The following N4BP2L2 variants were observed in gnomAD, a reference collection of about 807,000 sequenced individuals.
The protein encoded by N4BP2L2 is NEDD4-binding protein 2-like 2.
N4BP2L2 carries 50 observed loss-of-function variants against 56.2 expected under a neutral mutation model. That is an observed-to-expected ratio of 0.89 (90% CI 0.71 to 1.13). N4BP2L2 has a LOEUF of 1.13. Among genes scored for constraint, N4BP2L2 ranks in the 50% most tolerant of loss-of-function variants. N4BP2L2 has a pLI of 0.00. For missense variants in N4BP2L2, 689 were observed against 693.8 expected, an observed-to-expected ratio of 0.99 and a Z score of 0.08; for synonymous variants, 203 against 223.6, an observed-to-expected ratio of 0.91 and a Z score of 0.82.
chr13:32,536,942 G>A (rs748574056), exon 2 of N4BP2L2: 2 of 1,613,512 alleles, frequency 1.2e-6, no homozygotes, highest in Non-Finnish European at 1.7e-6. Context: ...CGACTCTGTG[G>A]TTGACTTCAA....
In N4BP2L2 at chr13:32,503,556, T is replaced by C. The variant is rs73447354; in HGVS notation, c.365+14301A>G. ...TACTTTTATATTTCCACCACTAGCA[T>C]GTAAAAGTGGTGCAATAAATGTTCA... On this transcript the variant is annotated intron_variant, in intron 6 of 9. Coordinates refer to the N4BP2L2 transcript ENST00000357505. Among the ~76,000 whole-genome samples the C allele has an allele frequency of 3.7e-3, 570 of 152,340 alleles. 2 individuals carry two copies. Among genetic ancestry groups the C allele is most frequent in the African/African-American group, 0.013 (522 of 41,580 alleles).
In N4BP2L2 at chr13:32,489,746, T is replaced by C. The variant is rs1482268086; in HGVS notation, c.365+28111A>G. Among the ~76,000 whole-genome samples, 9 of 142,486 alleles carry C rather than the reference T, an allele frequency of 6.3e-5. No homozygotes were observed. The East Asian group carries it at 1.8e-3, about 29-fold the overall frequency. 93.5% of individuals were successfully genotyped at this position (142,486 alleles called of 152,430 possible). A position where few individuals can be genotyped will look rare whatever the true frequency, so the allele number is the denominator to read the frequency against. On this transcript the variant is annotated intron_variant, in intron 6 of 9. Transcript: ENST00000357505. ...TACAAATCTAGTTTAATCACCAAGATTTGGTCAATTCCCCTCCTGAAAAAA... is the reference window on the plus strand; with the variant it reads ...TACAAATCTAGTTTAATCACCAAGACTTGGTCAATTCCCCTCCTGAAAAAA...
chr13:32,508,858 T>G (rs1418200662), downstream of N4BP2L2: 1 of 152,184 alleles, frequency 6.6e-6, no homozygotes, highest in Non-Finnish European at 1.5e-5. Flanking sequence ...TTGAACCATT[T>G]TAAGACTGGG....
intron 2 of N4BP2L2, among the ~76,000 whole-genome samples, chr13:32,532,576 CTCTTT>C (rs1446864417): frequency 6.8e-6 from 1 of 147,906 alleles, no homozygotes; most frequent in Non-Finnish European, 1.5e-5. Context: ...TTTCTGGATT[CTCTTT>C]TCTTTTTTCT....
intron 6 of N4BP2L2, among the ~76,000 whole-genome samples, chr13:32,494,529 C>T (rs1229907223): frequency 2.6e-5 from 4 of 151,988 alleles, no homozygotes; most frequent in African/African-American, 9.7e-5. Flanking sequence ...TTTGGGAGGC[C>T]GAGGCGTGCA....
chr13:32,466,324 T>TG (rs1048247609), intron 6 of N4BP2L2, among the ~76,000 whole-genome samples: 2 of 152,090 alleles, frequency 1.3e-5, no homozygotes, highest in Admixed American at 6.6e-5. Flanking sequence ...CCCAGGACTT[T>TG]GGGAGGCCGA....
intron 5 of N4BP2L2, among the ~76,000 whole-genome samples, chr13:32,519,091 A>C (rs1024646489): frequency 2.0e-5 from 3 of 152,168 alleles, no homozygotes; most frequent in African/African-American, 7.2e-5. Context: ...AGATAAGAAA[A>C]GAAAGCAAAA....
intron 7 of N4BP2L2, chr13:32,438,784 T>C (rs1162818953): frequency 7.0e-6 from 10 of 1,426,328 alleles, no homozygotes; most frequent in Non-Finnish European, 9.7e-6. Flanking sequence ...GTCACACAGA[T>C]TTTTGCCCTA....
At chr13:32,468,071 T>A (rs2081558181) in intron 6 of N4BP2L2, among the ~76,000 whole-genome samples, 1 of 152,014 alleles carries the variant, frequency 6.6e-6, no homozygotes, top group South Asian at 2.1e-4. Flanking sequence ...CAAGTGGAAA[T>A]GTCAAACAGG....
chr13:32,434,544 G>C (rs2075259565), intron 9 of N4BP2L2, among the ~76,000 whole-genome samples: 1 of 152,048 alleles, frequency 6.6e-6, no homozygotes, highest in Non-Finnish European at 1.5e-5. Context: ...CTTAAGATGG[G>C]GACCCATCCT....
At chr13:32,516,935 C>A (rs1437391023) in exon 6 of N4BP2L2, 6 of 982,160 alleles carry the variant, frequency 6.1e-6, no homozygotes, top group Non-Finnish European at 7.3e-6. Context: ...AGAAACACAT[C>A]TAAAAACTAT....
chr13:32,481,012 G>A (rs1302778323), intron 6 of N4BP2L2, among the ~76,000 whole-genome samples: 4 of 149,926 alleles, frequency 2.7e-5, no homozygotes, highest in Non-Finnish European at 5.9e-5. Flanking sequence ...CCAGCTACTC[G>A]GGAGGCTGAG....
chr13:32,443,485 C>A (rs374126425), exon 7 of N4BP2L2: 25 of 1,612,846 alleles, frequency 1.6e-5, no homozygotes, highest in Non-Finnish European at 2.1e-5. Flanking sequence ...TTGTTCCTCT[C>A]TTAAAACTTT....
chr13:32,505,368 C>T (rs1004324457), downstream of N4BP2L2: 1 of 152,202 alleles, frequency 6.6e-6, no homozygotes, highest in African/African-American at 2.4e-5. Flanking sequence ...CCACAAGTCA[C>T]ATATCCCTAA....
chr13:32,494,099 C>A (rs1419280989), intron 6 of N4BP2L2, among the ~76,000 whole-genome samples: 4 of 151,834 alleles, frequency 2.6e-5, no homozygotes, highest in Non-Finnish European at 4.4e-5. Flanking sequence ...TGGTGAAACA[C>A]CATGTCTACT....
At chr13:32,522,455 A>G in intron 3 of N4BP2L2, 185 bp from the exon 4 acceptor site, 1 of 392,298 alleles carries the variant, frequency 2.5e-6, no homozygotes, top group African/African-American at 2.1e-5. Context: ...GGACACAACC[A>G]TATGCCAGGT....
intron 6 of N4BP2L2, among the ~76,000 whole-genome samples, chr13:32,479,156 C>T (rs563359789): frequency 2.0e-5 from 3 of 151,658 alleles, no homozygotes; most frequent in South Asian, 4.2e-4. Context: ...TAAAAAAGAA[C>T]GTTATGATAT....
intron 2 of N4BP2L2, among the ~76,000 whole-genome samples, chr13:32,534,124 GCA>G (rs1188571218): frequency 6.6e-6 from 1 of 152,030 alleles, no homozygotes; most frequent in Non-Finnish European, 1.5e-5. Flanking sequence ...ACAACCCATT[GCA>G]CAAGATTTTT....
exon 6 of N4BP2L2, chr13:32,517,970 A>C: frequency 6.2e-7 from 1 of 1,613,860 alleles, no homozygotes; most frequent in Non-Finnish European, 8.5e-7. Context: ...ACATCTGAGC[A>C]ATCTTCTTTC....
Sources: allele counts gnomAD v4.1 joint callset (sites outside exome capture counted in the v4.1 genomes callset), GRCh38; gene constraint gnomAD v4.1.1; transcripts MANE v1.5; gene names NCBI Gene and HGNC (gene_info 2026-07-23, HGNC 2026-07-21).